PCDHGA8: variants seen among roughly 807,000 people sequenced by gnomAD.
PCDHGA8 encodes protocadherin gamma-A8.
A neutral mutation model predicts 59.2 loss-of-function variants in PCDHGA8; 45 were observed. That is an observed-to-expected ratio of 0.76 (90% confidence interval 0.60 to 0.98). The LOEUF (loss-of-function observed/expected upper bound fraction) is 0.98, where lower values mean the gene tolerates loss of function less well. Among genes scored for constraint, PCDHGA8 ranks in the 50% least tolerant of loss-of-function variants. The probability of loss-of-function intolerance (pLI) is 0.00; values close to 1 mark genes in which losing one functional copy is unlikely to be tolerated. For synonymous variants in PCDHGA8, 531 were observed against 519.0 expected (o/e 1.02, Z -0.32); for missense variants, 1,257 against 1,196.2 (o/e 1.05, Z -0.75).
Position 141,484,647 on chromosome 5 carries a change from G to A in PCDHGA8, c.2425-10160G>A, listed in dbSNP as rs556711906. Among the ~76,000 whole-genome samples, 104 of 152,066 alleles carry A rather than the reference G, an allele frequency of 6.8e-4. 3 individuals carry two copies. Among genetic ancestry groups the A allele is most frequent in the East Asian group, 1.2e-3 (6 of 5,166 alleles). ...TGAACAAAGTGACCACTCTCCAATG[G>A]CTACTCTCCCTCTCAGTGGGCCGCA... On this transcript the variant is annotated intron_variant, in intron 1 of 3. Transcript: ENST00000398604.
In PCDHGA8 at chr5:141,431,616, A is replaced by G. The variant is rs776151297; in HGVS notation, c.2424+36379A>G. 1 of 1,614,250 alleles carries G rather than the reference A, an allele frequency of 6.2e-7. No individual in the cohort carries two copies. Among genetic ancestry groups the G allele is most frequent in the Non-Finnish European group, 8.5e-7 (1 of 1,180,042 alleles). ...AGGTATTCCTTCCGGTATGTGGACG[A>G]CAAGGCGGCCCAAGTTTTCAAACTA... On this transcript the variant is annotated intron_variant, in intron 1 of 3. Transcript: ENST00000398604. This position sits in a 1 kb window ranked among gnomAD's most constrained non-coding sequence, Gnocchi z 4.8.
chr5:141,417,236 A>T (rs1387216221), intron 1 of PCDHGA8: 2 of 152,220 alleles, frequency 1.3e-5, no homozygotes, highest in Admixed American at 1.3e-4. Flanking sequence ...TTTGTTGCTT[A>T]TCTTCAGTAC....
At position 141,392,912 on chromosome 5, in the gene PCDHGA8, C is replaced by T; in HGVS notation, c.99C>T (p.Tyr33=). ...LWEIGRGQIR[Y]SVPEETDKGS... ...AAATCGGGAGGGGACAGATTCGCTA[C>T]TCTGTGCCAGAAGAGACGGACAAAG... The change falls in exon 1 of 4, where the codon TAC becomes TAT. Residue 33 remains tyrosine (Y), a synonymous_variant. Transcript: ENST00000398604. 1 of 1,613,908 alleles carries T rather than the reference C, an allele frequency of 6.2e-7. No homozygotes were observed. Among genetic ancestry groups the T allele is most frequent in the South Asian group, 1.1e-5 (1 of 91,088 alleles).
chr5:141,431,622 C>T lies in PCDHGA8; in HGVS notation c.2424+36385C>T, dbSNP rs761448407. 3 of 1,614,070 alleles carry T rather than the reference C, an allele frequency of 1.9e-6. No individual in the cohort carries two copies. The African/African-American group carries it at 4.0e-5, about 22-fold the overall frequency. ...TCCTTCCGGTATGTGGACGACAAGGCGGCCCAAGTTTTCAAACTAGATTGT... is the reference window on the plus strand; with the variant it reads ...TCCTTCCGGTATGTGGACGACAAGGTGGCCCAAGTTTTCAAACTAGATTGT... On this transcript the variant is annotated intron_variant, in intron 1 of 3. Transcript: ENST00000398604. The surrounding 1 kb of genome is among the most constrained non-coding windows in gnomAD (Gnocchi z 4.8).
chr5:141,467,993 C>A (rs984508296), intron 1 of PCDHGA8, among the ~76,000 whole-genome samples: 1 of 152,058 alleles, frequency 6.6e-6, no homozygotes, highest in Admixed American at 6.6e-5. Context: ...AACCACAATT[C>A]TTTCTTCCTC....
chr5:141,413,838 G>A, intron 1 of PCDHGA8: 1 of 1,613,284 alleles, frequency 6.2e-7, no homozygotes, highest in Non-Finnish European at 8.5e-7. Context: ...CCTCCGACGG[G>A]GGTGACCCTC....
At chr5:141,399,217 T>G in intron 1 of PCDHGA8, 2 of 1,613,972 alleles carry the variant, frequency 1.2e-6, no homozygotes, top group Non-Finnish European at 1.7e-6. Flanking sequence ...ACTAATTGCT[T>G]TGATCAAAAT....
rs746311453 is a variant in PCDHGA8 at position 141,428,229 on chromosome 5, C to T, written c.2424+32992C>T. On this transcript the variant is annotated intron_variant, in intron 1 of 3. Coordinates refer to ENST00000398604, the MANE Select transcript of PCDHGA8 (RefSeq NM_032088.2). ...CGCTTCACCTAGTCTTCGCAGACAGCCTGCAGGAGGCACTGCCAGACTTCA... is the reference window on the plus strand; with the variant it reads ...CGCTTCACCTAGTCTTCGCAGACAGTCTGCAGGAGGCACTGCCAGACTTCA... 3 of 1,098,554 alleles carry T rather than the reference C, an allele frequency of 2.7e-6. No homozygotes were observed. In the South Asian group the frequency reaches 3.9e-5, roughly 14 times the overall value. The allele number at this position is 1,098,554 out of a possible 1,614,324, so 68.1% of individuals were successfully genotyped here.
chr5:141,432,482 G>T lies in PCDHGA8; in HGVS notation c.2424+37245G>T, dbSNP rs768206517. 2.5e-6 allele frequency: 4 copies of T among 1,614,060 alleles called. No individual in the cohort carries two copies. Among genetic ancestry groups the T allele is most frequent in the Non-Finnish European group, 3.4e-6 (4 of 1,180,052 alleles). ...CCTCCCCACGGACGGTTCCACTGGC[G>T]TGGAGCTGGCTCCCCGCTCCGCAGA... On this transcript the variant is annotated intron_variant, in intron 1 of 3. Transcript: ENST00000398604. The surrounding 1 kb of genome is among the most constrained non-coding windows in gnomAD (Gnocchi z 6.0).
At position 141,505,425 on chromosome 5, in the gene PCDHGA8, C is replaced by G; in HGVS notation, c.2516C>G (p.Pro839Arg). 1 of 1,614,178 alleles carries G rather than the reference C, an allele frequency of 6.2e-7. No individual in the cohort carries two copies. Among genetic ancestry groups the G allele is most frequent in the Non-Finnish European group, 8.5e-7 (1 of 1,180,014 alleles). ...SQNGDDTGTW[P>R]NNQFDTEMLQ... ...AATGGCGATGACACCGGCACCTGGC[C>G]CAACAACCAGTTTGACACAGAGATG... The change falls in exon 3 of 4, where the codon CCC becomes CGC. Residue 839 changes from proline to arginine, a missense_variant. Transcript: ENST00000398604.
At chr5:141,395,521 T>C in intron 1 of PCDHGA8, 1 of 388,366 alleles carries the variant, frequency 2.6e-6, no homozygotes, top group East Asian at 5.0e-5. Context: ...TACCCGTCCA[T>C]ACTGGTAATT....
intron 1 of PCDHGA8, chr5:141,423,117 G>A (rs1429958385): frequency 6.2e-7 from 1 of 1,613,698 alleles, no homozygotes; most frequent in Non-Finnish European, 8.5e-7. Flanking sequence ...TGCGTACAGC[G>A]CGGGCACTGC....
chr5:141,422,605 G>A (rs2096658595), intron 1 of PCDHGA8: 1 of 1,613,898 alleles, frequency 6.2e-7, no homozygotes, highest in Non-Finnish European at 8.5e-7. Flanking sequence ...CTCTTACTCT[G>A]CCTACATTCC....
chr5:141,413,695 T>C lies in PCDHGA8; in HGVS notation c.2424+18458T>C, dbSNP rs573363878. The C allele has an allele frequency of 4.8e-5, 77 of 1,613,796 alleles. 1 individual carries two copies. The highest frequency in any genetic ancestry group is 3.0e-4 in the South Asian group (27 of 91,078). ...TGTGGGCGTGAACTCCCTGCAGAGC[T>C]ATCAGCTCAGCCCCAATAAGCACTT... On this transcript the variant is annotated intron_variant, in intron 1 of 3. Transcript: ENST00000398604.
chr5:141,459,976 G>A (rs1013971472), intron 1 of PCDHGA8, among the ~76,000 whole-genome samples: 1 of 152,202 alleles, frequency 6.6e-6, no homozygotes, highest in Non-Finnish European at 1.5e-5. Flanking sequence ...TACTCAGGAG[G>A]CTGAGACAGG....
chr5:141,417,613 G>A (rs984573855), intron 1 of PCDHGA8: 2 of 624,312 alleles, frequency 3.2e-6, no homozygotes, highest in African/African-American at 3.7e-5. Flanking sequence ...GTCGGCCAGT[G>A]CAGAGCAAGC....
In PCDHGA8 at chr5:141,491,198, A is replaced by T. The variant is rs1344758185; in HGVS notation, c.2425-3609A>T. ...GTGGTCCTGGTGAGGGACAATGGTG[A>T]CCCTTCACTCTCCTCCACAGCCACA... On this transcript the variant is annotated intron_variant, in intron 1 of 3. Coordinates refer to ENST00000398604, the MANE Select transcript of PCDHGA8 (RefSeq NM_032088.2). This position sits in a 1 kb window ranked among gnomAD's most constrained non-coding sequence, Gnocchi z 6.9. 1.2e-6 allele frequency: 2 copies of T among 1,613,912 alleles called. No individual in the cohort carries two copies. The highest frequency in any genetic ancestry group is 1.3e-5 in the African/African-American group (1 of 74,866).
intron 2 of PCDHGA8, among the ~76,000 whole-genome samples, chr5:141,501,530 G>A (rs556760554): frequency 3.5e-4 from 53 of 151,998 alleles, no homozygotes; most frequent in Admixed American, 2.2e-3. Context: ...AGCCCAGTAC[G>A]TTGTTGTGCA....
rs1267617024 is a variant in PCDHGA8 at position 141,476,542 on chromosome 5, G to T, written c.2425-18265G>T. The T allele has an allele frequency of 6.2e-7, 1 of 1,614,210 alleles. No individual in the cohort carries two copies. The highest frequency in any genetic ancestry group is 1.7e-5 in the Admixed American group (1 of 60,036). On this transcript the variant is annotated intron_variant, in intron 1 of 3. Transcript: ENST00000398604. This position sits in a 1 kb window ranked among gnomAD's most constrained non-coding sequence, Gnocchi z 7.6. ...CTTTCCCTACCCAGGAAATGAAATT[G>T]GAGATTAGCGAGGCCGTGGCTCCGG...
Sources: gnomAD v4.1 joint callset for allele counts (sites outside exome capture counted in the v4.1 genomes callset) on GRCh38, gnomAD v4.1.1 for gene constraint, Gnocchi (gnomAD v3.1) non-coding constraint, MANE v1.5 for transcripts, NCBI Gene and HGNC (gene_info 2026-07-23, HGNC 2026-07-21) for gene names.